Variants in ROBO2 observed in about 807,000 individuals in gnomAD.
ROBO2 encodes the protein roundabout homolog 2.
Under a neutral mutation model 160.8 loss-of-function variants are expected in ROBO2, and 53 were observed. The observed-to-expected ratio is 0.33, with a 90% CI of 0.26 to 0.41. The LOEUF (loss-of-function observed/expected upper bound fraction) is 0.41, where lower values mean the gene tolerates loss of function less well. Ranked by LOEUF, ROBO2 falls within the 10% of genes least tolerant of loss-of-function variation. ROBO2 has a pLI of 1.00. For missense variants in ROBO2, 1,577 were observed against 1,722.4 expected, an observed-to-expected ratio of 0.92 and a Z score of 1.49; for synonymous variants, 664 against 611.7, an observed-to-expected ratio of 1.09 and a Z score of -1.26.
chr3:77,207,204 C>T (rs538983305), intron 2 of ROBO2, among the ~76,000 whole-genome samples: 53 of 152,210 alleles, frequency 3.5e-4, no homozygotes, highest in Admixed American at 1.3e-3. Flanking sequence ...CTTCTCTAAT[C>T]GTCTCTCTTA....
chr3:76,832,761 G>C (rs1429784545), intron 2 of ROBO2, among the ~76,000 whole-genome samples: 2 of 152,154 alleles, frequency 1.3e-5, no homozygotes, highest in African/African-American at 4.8e-5. Context: ...AAAGAACAGG[G>C]AAGATGGCCT....
chr3:76,543,222 T>C (rs1323633452), intron 2 of ROBO2, among the ~76,000 whole-genome samples: 3 of 152,314 alleles, frequency 2.0e-5, no homozygotes, highest in South Asian at 2.1e-4. Flanking sequence ...ATGGACTGAA[T>C]TGTGTTGTCC....
In ROBO2 at chr3:76,962,063, G is replaced by A. The variant is rs190186424; in HGVS notation, c.110-135951G>A. On this transcript the variant is annotated intron_variant, in intron 2 of 26. Coordinates refer to the ROBO2 transcript ENST00000487694. ...ACAATTTTAAAAGATTGCCAGGCAC[G>A]GTGGCTCACACCTGTAATCTCAGCA... 7.9e-5 allele frequency among the ~76,000 whole-genome samples: 12 copies of A among 152,152 alleles called. No homozygotes were observed. In the East Asian group the frequency reaches 1.4e-3, roughly 17 times the overall value.
intron 2 of ROBO2, among the ~76,000 whole-genome samples, chr3:76,725,887 A>C (rs1027204870): frequency 2.6e-5 from 4 of 152,116 alleles, no homozygotes; most frequent in Non-Finnish European, 5.9e-5. Flanking sequence ...AGTGTTCCCC[A>C]TTTCTCCAAC....
At chr3:76,643,127 TC>T (rs1480385649) in intron 2 of ROBO2, among the ~76,000 whole-genome samples, 1 of 152,208 alleles carries the variant, frequency 6.6e-6, no homozygotes, top group Non-Finnish European at 1.5e-5. Flanking sequence ...AACTGGTAAT[TC>T]TTTTCAGGAA....
At chr3:76,373,526 A>G (rs984133586) in intron 2 of ROBO2, among the ~76,000 whole-genome samples, 2 of 151,888 alleles carry the variant, frequency 1.3e-5, no homozygotes, top group African/African-American at 4.8e-5. Context: ...CATAGTACGT[A>G]TTGTATTGTG....
At chr3:76,693,505 G>A (rs1275147107) in intron 2 of ROBO2, among the ~76,000 whole-genome samples, 2 of 150,758 alleles carry the variant, frequency 1.3e-5, no homozygotes, top group East Asian at 2.0e-4. Flanking sequence ...ATATATAGAT[G>A]AAATTCTTTG....
In ROBO2 at chr3:77,613,386, C is replaced by G. The variant is rs1384655878; in HGVS notation, c.3294-4127C>G. Among the ~76,000 whole-genome samples, 5 of 151,888 alleles carry G rather than the reference C, an allele frequency of 3.3e-5. No individual in the cohort carries two copies. In the East Asian group the frequency reaches 5.8e-4, roughly 18 times the overall value. ...CGTTCTTTTTTCCAAGGTATGATATCCTTGGCAACGAACGAGTGTAAGTAA... is the reference window on the plus strand; with the variant it reads ...CGTTCTTTTTTCCAAGGTATGATATGCTTGGCAACGAACGAGTGTAAGTAA... On this transcript the variant is annotated intron_variant, in intron 21 of 25. Transcript: ENST00000461745.
intron 2 of ROBO2, among the ~76,000 whole-genome samples, chr3:76,062,157 G>C (rs1324037212): frequency 2.0e-5 from 3 of 152,036 alleles, no homozygotes; most frequent in African/African-American, 7.3e-5. Flanking sequence ...ACATTCTTGG[G>C]GGATACGGCC....
At chr3:77,271,519 T>C (rs368056767) in intron 2 of ROBO2, among the ~76,000 whole-genome samples, 30 of 152,294 alleles carry the variant, frequency 2.0e-4, no homozygotes, top group African/African-American at 6.7e-4. Flanking sequence ...AACATCAGCA[T>C]TGAGTGGGAG....
chr3:77,647,138 T>C (rs1277908876), exon 26 of ROBO2: 1 of 152,552 alleles, frequency 6.6e-6, no homozygotes, highest in Non-Finnish European at 1.5e-5. Context: ...TCTATTGCAA[T>C]ATCTTATTTC....
At position 77,617,786 on chromosome 3, in the gene ROBO2, A is replaced by G. The variant is rs894782521; in HGVS notation, c.3554+13A>G. ...CAAAACAAACATGGTAAATATCTTC[A>G]TTAAGTCAAGAGACCCATGCTTTCA... On this transcript the variant is annotated intron_variant, in intron 22 of 25. Coordinates refer to ENST00000461745, the Ensembl canonical transcript of ROBO2. The G allele has an allele frequency of 2.1e-6, 3 of 1,453,572 alleles. No individual in the cohort carries two copies. The highest frequency in any genetic ancestry group is 4.0e-5 in the Admixed American group (2 of 49,870). 90.0% of individuals were successfully genotyped at this position (1,453,572 alleles called of 1,614,324 possible). A position where few individuals can be genotyped will look rare whatever the true frequency, so the allele number is the denominator to read the frequency against.
chr3:76,117,013 A>C (rs978561849), intron 2 of ROBO2, among the ~76,000 whole-genome samples: 1 of 152,196 alleles, frequency 6.6e-6, no homozygotes, highest in Non-Finnish European at 1.5e-5. Flanking sequence ...CTAACGAATC[A>C]CTTTAAAATG....
At chr3:76,204,835 A>G (rs975766720) in intron 2 of ROBO2, among the ~76,000 whole-genome samples, 3 of 152,194 alleles carry the variant, frequency 2.0e-5, no homozygotes, top group Non-Finnish European at 2.9e-5. Context: ...ATGTTAAATA[A>G]AAACTGTATG....
Position 77,277,848 on chromosome 3 carries a change from G to A in ROBO2, c.388+179508G>A, listed in dbSNP as rs188749262. On this transcript the variant is annotated intron_variant, in intron 2 of 25. Transcript: ENST00000461745. ...TGGGATTGCCGGGTCAAACAGGATT[G>A]TCTTTCTGGTTCTAGATCCCTGAGG... is the stretch of plus-strand genomic sequence containing the variant. Among the ~76,000 whole-genome samples the A allele has an allele frequency of 1.6e-3, 247 of 152,242 alleles. 1 individual carries two copies. Among genetic ancestry groups the A allele is most frequent in the African/African-American group, 5.7e-3 (238 of 41,560 alleles).
chr3:77,339,377 T>C (rs996364480), intron 2 of ROBO2, among the ~76,000 whole-genome samples: 2 of 152,074 alleles, frequency 1.3e-5, no homozygotes, highest in African/African-American at 2.4e-5. Context: ...TGTGGTGAGC[T>C]TGAAAGTTCC....
intron 2 of ROBO2, among the ~76,000 whole-genome samples, chr3:76,848,871 T>C (rs1271398263): frequency 1.3e-5 from 2 of 152,216 alleles, no homozygotes; most frequent in African/African-American, 4.8e-5. Context: ...ATTCTGTCCA[T>C]AGCACAATTA....
intron 2 of ROBO2, among the ~76,000 whole-genome samples, chr3:77,339,524 T>A (rs576084525): frequency 6.6e-6 from 1 of 152,218 alleles, no homozygotes; most frequent in African/African-American, 2.4e-5. Context: ...ACAACATCAG[T>A]GTCCCTAAAA....
intron 2 of ROBO2, among the ~76,000 whole-genome samples, chr3:75,940,934 CA>C (rs1403800917): frequency 2.6e-5 from 4 of 151,972 alleles, no homozygotes; most frequent in African/African-American, 7.3e-5. Flanking sequence ...TATTCAGAAC[CA>C]AGAACTTATT....
Sources: allele counts gnomAD v4.1 joint callset (sites outside exome capture counted in the v4.1 genomes callset), GRCh38; gene constraint gnomAD v4.1.1; transcripts MANE v1.5; gene names NCBI Gene and HGNC (gene_info 2026-07-23, HGNC 2026-07-21).